The following MED16 variants were observed in gnomAD, a reference collection of about 807,000 sequenced individuals.
MED16 encodes mediator complex subunit 16, also known as mediator of RNA polymerase II transcription subunit 16.
MED16 carries 81 observed loss-of-function variants against 84.4 expected under a neutral mutation model. The observed-to-expected ratio is 0.96, with a 90% CI of 0.80 to 1.15. MED16 has a LOEUF of 1.15. Among genes scored for constraint, MED16 ranks in the 50% most tolerant of loss-of-function variants. MED16 has a pLI of 0.00. For synonymous variants in MED16, 897 were observed against 552.2 expected (o/e 1.62, Z -8.76); for missense variants, 1,585 against 1,245.9 (o/e 1.27, Z -4.10).
chr19:878,252 A>G (rs1184497003), intron 8 of MED16, among the ~76,000 whole-genome samples: 4 of 22,548 alleles, frequency 1.8e-4, no homozygotes. Flanking sequence ...CCCCAGCCCC[A>G]GCCCCACGGG....
chr19:868,247 C>A lies in MED16; in HGVS notation c.2488G>T (p.Val830Phe). The change falls in exon 16 of 16, where the codon GTT becomes TTT. Residue 830 changes from valine to phenylalanine, a missense_variant. By Grantham distance (50) the Val-to-Phe change is conservative. Transcript: ENST00000325464. ...EQRWIKNCLA[V>F]EGRGPDACVT... ...CAGGCGTCCGGCCCACGGCCTTCAACAGCCCTGCAGGGCGGGCTGAGGTTA... is the reference window on the plus strand; with the variant it reads ...CAGGCGTCCGGCCCACGGCCTTCAAAAGCCCTGCAGGGCGGGCTGAGGTTA... 1 of 1,594,854 alleles carries A rather than the reference C, an allele frequency of 6.3e-7. No homozygotes were observed. The highest frequency in any genetic ancestry group is 1.3e-5 in the African/African-American group (1 of 74,734).
chr19:874,004 G>C (rs551760587), intron 10 of MED16, among the ~76,000 whole-genome samples: 4 of 152,320 alleles, frequency 2.6e-5, no homozygotes, highest in African/African-American at 7.2e-5. Flanking sequence ...GATGCCTCTC[G>C]GATGGTGACT....
At chr19:885,723 CT>C in intron 5 of MED16, 46 bp downstream of exon 5, 1 of 1,582,522 alleles carries the variant, frequency 6.3e-7, no homozygotes. Flanking sequence ...AGAAGCAGTG[CT>C]TCATTCCAAG....
intron 7 of MED16, 125 bp downstream of exon 7, chr19:881,434 C>T (rs747654923): frequency 7.9e-6 from 9 of 1,143,732 alleles, no homozygotes; most frequent in African/African-American, 1.6e-5. Flanking sequence ...CCTACAGCCC[C>T]ATGGCCTGTG....
intron 9 of MED16, among the ~76,000 whole-genome samples, 153 bp downstream of exon 9, chr19:876,821 C>T (rs537331597): frequency 5.7e-4 from 87 of 151,660 alleles, no homozygotes; most frequent in Middle Eastern, 3.5e-3. Flanking sequence ...TTACTGACCA[C>T]GGGGCCCCTG....
At chr19:880,361 C>T (rs1257160643) in intron 7 of MED16, among the ~76,000 whole-genome samples, 2 of 152,236 alleles carry the variant, frequency 1.3e-5, no homozygotes, top group Non-Finnish European at 2.9e-5. Flanking sequence ...GCAGCCTTGG[C>T]CACACTGCTC....
At chr19:881,385 T>C (rs538803524) in intron 7 of MED16, among the ~76,000 whole-genome samples, 174 bp downstream of exon 7, 1 of 152,232 alleles carries the variant, frequency 6.6e-6, no homozygotes, top group East Asian at 1.9e-4. Context: ...GAGATCTGCC[T>C]CCTAATTGGG....
In MED16 at chr19:885,926, G is replaced by C; in HGVS notation, c.723C>G (p.Phe241Leu). The C allele has an allele frequency of 6.2e-7, 1 of 1,613,308 alleles. No individual in the cohort carries two copies. Among genetic ancestry groups the C allele is most frequent in the Non-Finnish European group, 8.5e-7 (1 of 1,179,936 alleles). The part of the protein sequence containing the change: ...ADGSSASPVQ[F>L]YKVCVSVVSE... ...TCACCACGCTCACGCACACCTTGTA[G>C]AACTGCACGGGCGACGCGCTGCTGC... Residue 241 changes from phenylalanine to leucine, a missense_variant, in exon 5 of 16, where the codon TTC (phenylalanine) becomes TTG (leucine). By Grantham distance (22) the Phe-to-Leu change is conservative. Coordinates refer to ENST00000325464, the MANE Select transcript of MED16 (RefSeq NM_005481.3).
At chr19:880,651 G>A (rs2036401609) in intron 7 of MED16, among the ~76,000 whole-genome samples, 2 of 152,242 alleles carry the variant, frequency 1.3e-5, no homozygotes, top group Non-Finnish European at 2.9e-5. Context: ...CGGGCGCGGT[G>A]GCTCACGCCT....
chr19:870,977 CG>C (rs2036036013), intron 13 of MED16, 59 bp downstream of exon 13: 1 of 1,429,250 alleles, frequency 7.0e-7, no homozygotes, highest in East Asian at 2.8e-5. Flanking sequence ...TCGGGGGTCC[CG>C]GGGCAGGACA....
intron 13 of MED16, among the ~76,000 whole-genome samples, chr19:869,585 C>T (rs1407547397): frequency 2.0e-5 from 3 of 152,182 alleles, no homozygotes; most frequent in Non-Finnish European, 2.9e-5. Context: ...GCCCCTCCCA[C>T]AGTGAGCACG....
At chr19:876,279 G>A (rs1305852088) in intron 9 of MED16, among the ~76,000 whole-genome samples, 1 of 152,090 alleles carries the variant, frequency 6.6e-6, no homozygotes, top group African/African-American at 2.4e-5. Flanking sequence ...GGGATTGCAG[G>A]CACATAACCA....
intron 2 of MED16, among the ~76,000 whole-genome samples, chr19:890,688 G>T (rs149649968): frequency 5.9e-5 from 9 of 152,210 alleles, no homozygotes; most frequent in Non-Finnish European, 1.2e-4. Context: ...TGGGGCACGT[G>T]TCTCCAACAA....
At chr19:872,229 G>C (rs1249198997) in intron 11 of MED16, 111 bp from the exon 12 acceptor site, 3 of 861,868 alleles carry the variant, frequency 3.5e-6, no homozygotes, top group Non-Finnish European at 5.3e-6. Context: ...GCAGGGTCTG[G>C]GACATTTGTG....
chr19:885,368 C>G (rs1376500161), intron 5 of MED16, among the ~76,000 whole-genome samples: 1 of 152,170 alleles, frequency 6.6e-6, no homozygotes, highest in Non-Finnish European at 1.5e-5. Flanking sequence ...ATCCTCAGCC[C>G]TAGGACCGGT....
At chr19:884,600 C>G (rs1445000640) in intron 6 of MED16, among the ~76,000 whole-genome samples, 1 of 152,220 alleles carries the variant, frequency 6.6e-6, no homozygotes, top group East Asian at 1.9e-4. Flanking sequence ...CGCCTGCAGC[C>G]CCTCACGGTG....
chr19:892,817 C>T (rs1057204607), intron 1 of MED16: 8 of 152,552 alleles, frequency 5.2e-5, no homozygotes, highest in African/African-American at 1.9e-4. Flanking sequence ...TTAGGCCCCG[C>T]CCCGAACCCA....
chr19:868,315 C>T, intron 15 of MED16, 64 bp from the exon 16 acceptor site: 29 of 1,583,742 alleles, frequency 1.8e-5, no homozygotes, highest in Non-Finnish European at 2.3e-5. Flanking sequence ...GCTCTTGCAG[C>T]AGCCGGGCTC....
In MED16 at chr19:876,923, T is replaced by C. The variant is rs960502785; in HGVS notation, c.1560+51A>G. On this transcript the variant is annotated intron_variant, in intron 9 of 15. Transcript: ENST00000325464. Reference sequence around the variant, plus strand: ...CCCCACCTGCCACGGGGCCCCCACCTGCCACAGGGCCCCCACCTGCCACGG... The same window carrying C: ...CCCCACCTGCCACGGGGCCCCCACCCGCCACAGGGCCCCCACCTGCCACGG... 2.6e-6 allele frequency: 4 copies of C among 1,536,260 alleles called. No individual in the cohort carries two copies. The African/African-American group carries it at 5.5e-5, about 21-fold the overall frequency.
Sources: allele counts gnomAD v4.1 joint callset (sites outside exome capture counted in the v4.1 genomes callset), GRCh38; gene constraint gnomAD v4.1.1; transcripts MANE v1.5; gene names NCBI Gene and HGNC (gene_info 2026-07-23, HGNC 2026-07-21).